The following AKAP13 variants were observed in gnomAD, a reference collection of about 807,000 sequenced individuals.
AKAP13 encodes the protein A-kinase anchoring protein 13, also known as A-kinase anchor protein 13.
In AKAP13, 80 loss-of-function variants were observed where a neutral mutation model predicts 264.5. The observed-to-expected ratio is 0.30, with a 90% CI of 0.25 to 0.36. The LOEUF (loss-of-function observed/expected upper bound fraction) is 0.36, where lower values mean the gene tolerates loss of function less well. AKAP13 is among the 10% of genes least tolerant of loss of function. The pLI is 1.00. For missense variants in AKAP13, 3,712 were observed against 3,435.2 expected, an observed-to-expected ratio of 1.08 and a Z score of -2.01; for synonymous variants, 1,380 against 1,250.2, an observed-to-expected ratio of 1.10 and a Z score of -2.19.
At chr15:85,640,063 T>G (rs998345790) in intron 9 of AKAP13, among the ~76,000 whole-genome samples, 5 of 152,198 alleles carry the variant, frequency 3.3e-5, no homozygotes, top group African/African-American at 1.2e-4. Context: ...AGCACATAGC[T>G]TGTGATTAGT....
chr15:85,620,979 G>A (rs2081159834), intron 8 of AKAP13, among the ~76,000 whole-genome samples: 1 of 152,150 alleles, frequency 6.6e-6, no homozygotes, highest in Admixed American at 6.5e-5. Context: ...CAAAGGCAGG[G>A]GAAATTGGAA....
At chr15:85,631,655 A>C (rs554874718) in intron 8 of AKAP13, among the ~76,000 whole-genome samples, 65 of 152,236 alleles carry the variant, frequency 4.3e-4, no homozygotes, top group African/African-American at 1.5e-3. Context: ...ACTTAATAGT[A>C]ATGTACCAGT....
intron 1 of AKAP13, among the ~76,000 whole-genome samples, chr15:85,458,132 C>G (rs1204796378): frequency 4.4e-5 from 6 of 135,354 alleles, no homozygotes; most frequent in Non-Finnish European, 7.6e-5. Flanking sequence ...GAGCGAGACT[C>G]CATCTCAAAA....
intron 30 of AKAP13, 78 bp from the exon 31 acceptor site, chr15:85,734,914 C>G: frequency 6.5e-7 from 1 of 1,531,878 alleles, no homozygotes; most frequent in Non-Finnish European, 8.8e-7. Flanking sequence ...GCTCTTTGTA[C>G]GTATCATATA....
intron 3 of AKAP13, among the ~76,000 whole-genome samples, chr15:85,528,770 GAGAAGTTC>G (rs1177552418): frequency 6.6e-6 from 1 of 152,098 alleles, no homozygotes; most frequent in Non-Finnish European, 1.5e-5. Context: ...TTGATAGTGT[GAGAAGTTC>G]AGAAATTAAT....
intron 1 of AKAP13, among the ~76,000 whole-genome samples, chr15:85,420,829 A>G (rs2072486953): frequency 6.6e-6 from 1 of 152,218 alleles, no homozygotes; most frequent in Admixed American, 6.5e-5. Flanking sequence ...CTACATTAAA[A>G]ATGAGAATAC....
chr15:85,666,506 G>A (rs1468646136), intron 13 of AKAP13, among the ~76,000 whole-genome samples: 1 of 151,992 alleles, frequency 6.6e-6, no homozygotes, highest in Non-Finnish European at 1.5e-5. Flanking sequence ...GAATTCTTAA[G>A]AGAGCATCTA....
chr15:85,488,283 T>G (rs1319394148), intron 2 of AKAP13, among the ~76,000 whole-genome samples: 2 of 152,258 alleles, frequency 1.3e-5, no homozygotes, highest in African/African-American at 4.8e-5. Flanking sequence ...TAAGTATCAT[T>G]TGATAATGCT....
At chr15:85,451,931 G>C (rs996955553) in intron 1 of AKAP13, among the ~76,000 whole-genome samples, 2 of 152,166 alleles carry the variant, frequency 1.3e-5, no homozygotes, top group Middle Eastern at 3.2e-3. Flanking sequence ...AGTTGGGAAA[G>C]TTTTTGTGGA....
At chr15:85,730,765 A>C in intron 30 of AKAP13, 58 bp downstream of exon 30, 2 of 1,444,750 alleles carry the variant, frequency 1.4e-6, no homozygotes, top group African/African-American at 2.8e-5. Flanking sequence ...TTTACACACT[A>C]ATATTACCTG....
intron 23 of AKAP13, among the ~76,000 whole-genome samples, chr15:85,719,883 C>G (rs944472717): frequency 3.3e-5 from 5 of 151,772 alleles, no homozygotes; most frequent in Non-Finnish European, 5.9e-5. Flanking sequence ...CCACTGCACT[C>G]CAGCCTGGGA....
chr15:85,414,525 T>A lies in AKAP13; in HGVS notation c.-12+33727T>A, dbSNP rs148725206. 4.6e-5 allele frequency among the ~76,000 whole-genome samples: 7 copies of A among 152,296 alleles called. No homozygotes were observed. The East Asian group carries it at 1.3e-3, about 29-fold the overall frequency. Reference sequence around the variant, plus strand: ...GAGATTTAGATGATGATATAGAGAATGAAGATGGGAAAAAATCCTCTTGGT... The same window carrying A: ...GAGATTTAGATGATGATATAGAGAAAGAAGATGGGAAAAAATCCTCTTGGT... On this transcript the variant is annotated intron_variant, in intron 1 of 36. Coordinates refer to ENST00000394518, the MANE Select transcript of AKAP13 (RefSeq NM_007200.5).
At chr15:85,675,353 C>A (rs1002855570) in intron 14 of AKAP13, among the ~76,000 whole-genome samples, 1 of 152,218 alleles carries the variant, frequency 6.6e-6, no homozygotes, top group Non-Finnish European at 1.5e-5. Flanking sequence ...CTTGGAGTAG[C>A]TGCAACAGCA....
At chr15:85,516,040 A>G (rs11637726) in intron 2 of AKAP13, among the ~76,000 whole-genome samples, 36,428 of 152,126 alleles carry the variant, frequency 0.24, 5,785 homozygotes, top group Middle Eastern at 0.41. Context: ...AGAAAAGCAC[A>G]TGGTGTATTA....
At chr15:85,391,843 G>C (rs967308644) in intron 1 of AKAP13, among the ~76,000 whole-genome samples, 1 of 151,856 alleles carries the variant, frequency 6.6e-6, no homozygotes, top group Admixed American at 6.6e-5. Flanking sequence ...GGAGTGCAGC[G>C]GTGCGATCTC....
intron 1 of AKAP13, among the ~76,000 whole-genome samples, chr15:85,402,006 T>C (rs2150841689): frequency 6.6e-6 from 1 of 152,328 alleles, no homozygotes; most frequent in South Asian, 2.1e-4. Flanking sequence ...GGATTAGGAT[T>C]CAATAAATTT....
chr15:85,723,003 C>T (rs573635766), intron 25 of AKAP13, 69 bp from the exon 26 acceptor site: 140 of 1,557,560 alleles, frequency 9.0e-5, no homozygotes, highest in Non-Finnish European at 1.2e-4. Flanking sequence ...AGTGAGAAGT[C>T]AGGATTCCCT....
chr15:85,386,613 A>T (rs1340454750), intron 1 of AKAP13, among the ~76,000 whole-genome samples: 1 of 152,148 alleles, frequency 6.6e-6, no homozygotes, highest in Non-Finnish European at 1.5e-5. Flanking sequence ...ATCATTTAAA[A>T]TTTTATATTT....
At chr15:85,536,386 G>A (rs1200844152) in intron 4 of AKAP13, 1 of 152,234 alleles carries the variant, frequency 6.6e-6, no homozygotes. Flanking sequence ...AATGCAAAAT[G>A]TATAACCACT....
Sources: gnomAD v4.1 joint callset for allele counts (sites outside exome capture counted in the v4.1 genomes callset) on GRCh38, gnomAD v4.1.1 for gene constraint, MANE v1.5 for transcripts, NCBI Gene and HGNC (gene_info 2026-07-23, HGNC 2026-07-21) for gene names.